Variants in MAP3K2 observed in about 807,000 individuals in gnomAD.
The protein encoded by MAP3K2 is MAP/ERK kinase kinase 2.
In MAP3K2, 24 loss-of-function variants were observed where a neutral mutation model predicts 80.3. The observed-to-expected ratio is 0.30, with a 90% CI of 0.22 to 0.42. The LOEUF is 0.42. Among genes scored for constraint, MAP3K2 ranks in the 10% least tolerant of loss-of-function variants. The pLI is 1.00. For synonymous variants in MAP3K2, 244 were observed against 253.7 expected, an observed-to-expected ratio of 0.96 and a Z score of 0.36; for missense variants, 608 against 750.1, an observed-to-expected ratio of 0.81 and a Z score of 2.21.
chr2:127,367,015 C>T (rs762906246), intron 1 of MAP3K2, among the ~76,000 whole-genome samples: 15 of 152,108 alleles, frequency 9.9e-5, no homozygotes, highest in Admixed American at 3.3e-4. Flanking sequence ...GGATTACAGG[C>T]ATGCACCACC....
chr2:127,329,141 T>A (rs1419159927), intron 7 of MAP3K2, among the ~76,000 whole-genome samples: 3 of 152,148 alleles, frequency 2.0e-5, no homozygotes, highest in African/African-American at 7.2e-5. Flanking sequence ...TTTCTTTATA[T>A]CATAATCTTA....
chr2:127,321,962 C>A lies in MAP3K2; in HGVS notation c.1045+84G>T. 1 of 1,226,660 alleles carries A rather than the reference C, an allele frequency of 8.2e-7. No individual in the cohort carries two copies. The highest frequency in any genetic ancestry group is 2.5e-5 in the East Asian group (1 of 39,350). The allele number at this position is 1,226,660 out of a possible 1,614,324, so 76.0% of individuals were successfully genotyped here. A position where few individuals can be genotyped will look rare whatever the true frequency, so the allele number is the denominator to read the frequency against. ...AGTAGTTCATCTGACCCCAAAAACT[C>A]ACTTAGTATTTATTCCTTTTAATAA... On this transcript the variant is annotated intron_variant, in intron 12 of 16. Coordinates refer to ENST00000682094, the MANE Select transcript of MAP3K2 (RefSeq NM_001371910.2). This position sits in a 1 kb window ranked among gnomAD's most constrained non-coding sequence, Gnocchi z 4.4.
At chr2:127,372,994 C>T (rs1283277430) in intron 1 of MAP3K2, among the ~76,000 whole-genome samples, 1 of 152,190 alleles carries the variant, frequency 6.6e-6, no homozygotes, top group Non-Finnish European at 1.5e-5. Context: ...GGCCTATAAT[C>T]GTTACTGACT....
intron 2 of MAP3K2, among the ~76,000 whole-genome samples, chr2:127,342,388 G>GGT (rs56300936): frequency 0.15 from 22,026 of 147,670 alleles, 1,675 homozygotes; most frequent in South Asian, 0.27. Flanking sequence ...TCTTCATGAG[G>GGT]GTGTGTGTGT....
chr2:127,333,919 T>C (rs1316388994), intron 5 of MAP3K2, among the ~76,000 whole-genome samples: 2 of 151,956 alleles, frequency 1.3e-5, no homozygotes, highest in African/African-American at 4.8e-5. Context: ...GGCAACATGG[T>C]GAAACCCCGC....
At chr2:127,311,300 T>G (rs1685803133) in intron 15 of MAP3K2, among the ~76,000 whole-genome samples, 1 of 152,186 alleles carries the variant, frequency 6.6e-6, no homozygotes. Flanking sequence ...GTCTCTAGAA[T>G]ACTTAACCAG....
chr2:127,365,490 T>G (rs531220862), intron 1 of MAP3K2, among the ~76,000 whole-genome samples: 1 of 152,326 alleles, frequency 6.6e-6, no homozygotes, highest in South Asian at 2.1e-4. Context: ...CAAAAGACTT[T>G]CTGAAGAGTA....
intron 12 of MAP3K2, among the ~76,000 whole-genome samples, chr2:127,318,664 G>C (rs1228124843): frequency 6.6e-6 from 1 of 152,158 alleles, no homozygotes; most frequent in East Asian, 1.9e-4. Flanking sequence ...TTTGTACTTA[G>C]TTTTTCAGCC....
At chr2:127,351,877 GTTTT>G (rs546317178) in intron 1 of MAP3K2, among the ~76,000 whole-genome samples, 1 of 147,738 alleles carries the variant, frequency 6.8e-6, no homozygotes, top group Non-Finnish European at 1.5e-5. Flanking sequence ...GTTTTTTTGT[GTTTT>G]TTTTTTCTTT....
chr2:127,329,601 C>T (rs886636853), intron 7 of MAP3K2, among the ~76,000 whole-genome samples: 5 of 152,108 alleles, frequency 3.3e-5, no homozygotes, highest in Admixed American at 1.3e-4. Flanking sequence ...GTGATCTGCC[C>T]GCCTTGGCCT....
In MAP3K2 at chr2:127,311,719, G is replaced by C. The variant is rs149538499; in HGVS notation, c.1457-2957C>G. 1.2e-3 allele frequency among the ~76,000 whole-genome samples: 189 copies of C among 151,964 alleles called. 2 individuals carry two copies. In the South Asian group the frequency reaches 0.019, roughly 15 times the overall value. On this transcript the variant is annotated intron_variant, in intron 15 of 16. Transcript: ENST00000682094. ...TTCAGTACATATCTTTCAAAGATAA[G>C]GACTCTTATCACACCCAAGAGGATG...
At position 127,314,836 on chromosome 2, in the gene MAP3K2, A is replaced by T. The variant is rs755322737; in HGVS notation, c.1374T>A (p.Asn458Lys). 11 of 1,611,070 alleles carry T rather than the reference A, an allele frequency of 6.8e-6. No homozygotes were observed. The highest frequency in any genetic ancestry group is 9.3e-6 in the Non-Finnish European group (11 of 1,177,522). Reference sequence around the variant, plus strand: ...TCTGACGGGTGTATTTCCTAGTCACATTCTCAGTAAGAGCGCCATATGCTT... The same window carrying T: ...TCTGACGGGTGTATTTCCTAGTCACTTTCTCAGTAAGAGCGCCATATGCTT... ...QLKAYGALTE[N>K]VTRKYTRQIL... The change falls in exon 15 of 17, where the codon AAT becomes AAA. Residue 458 changes from asparagine to lysine, a missense_variant. Transcript: ENST00000682094.
At chr2:127,365,290 C>A (rs1686953597) in intron 1 of MAP3K2, among the ~76,000 whole-genome samples, 1 of 152,108 alleles carries the variant, frequency 6.6e-6, no homozygotes, top group Admixed American at 6.5e-5. Context: ...AGAGCTTAAG[C>A]AACTTGCTCT....
chr2:127,308,118 G>A (rs1685741734), intron 16 of MAP3K2, among the ~76,000 whole-genome samples: 1 of 151,838 alleles, frequency 6.6e-6, no homozygotes, highest in Non-Finnish European at 1.5e-5. Flanking sequence ...AAGAATATAA[G>A]CATTAGAAAT....
intron 1 of MAP3K2, among the ~76,000 whole-genome samples, chr2:127,345,703 A>T (rs896613064): frequency 2.6e-5 from 4 of 152,250 alleles, no homozygotes; most frequent in Non-Finnish European, 5.9e-5. Context: ...ATAAAATTAG[A>T]AATTGGCAAC....
chr2:127,367,061 A>T (rs1050935053), intron 1 of MAP3K2, among the ~76,000 whole-genome samples: 20 of 151,954 alleles, frequency 1.3e-4, no homozygotes, highest in African/African-American at 3.9e-4. Flanking sequence ...ATTAATATAC[A>T]TTACATGATC....
At chr2:127,355,124 G>A (rs1465262860) in intron 1 of MAP3K2, among the ~76,000 whole-genome samples, 4 of 152,062 alleles carry the variant, frequency 2.6e-5, no homozygotes, top group Non-Finnish European at 5.9e-5. Flanking sequence ...GGGCAAGATA[G>A]AATGTATACT....
chr2:127,346,022 TA>T (rs56656556), intron 1 of MAP3K2, among the ~76,000 whole-genome samples: 14 of 147,464 alleles, frequency 9.5e-5, no homozygotes, highest in Admixed American at 6.8e-5. Context: ...CACTGAAATT[TA>T]AAAAAAAAAT....
At chr2:127,317,482 G>A in intron 14 of MAP3K2, 147 bp downstream of exon 14, 1 of 584,804 alleles carries the variant, frequency 1.7e-6, no homozygotes, top group Non-Finnish European at 2.8e-6. Flanking sequence ...GAAGAGGATA[G>A]AAAATACTAC....
Sources: allele counts gnomAD v4.1 joint callset (sites outside exome capture counted in the v4.1 genomes callset), GRCh38; gene constraint gnomAD v4.1.1; non-coding constraint Gnocchi (gnomAD v3.1); transcripts MANE v1.5; gene names NCBI Gene and HGNC (gene_info 2026-07-23, HGNC 2026-07-21).